The following KMT2C variants were observed in gnomAD, a reference collection of about 807,000 sequenced individuals.
The protein encoded by KMT2C is lysine methyltransferase 2C, also known as histone-lysine N-methyltransferase 2C.
Under a neutral mutation model 507.9 loss-of-function variants are expected in KMT2C, and 88 were observed. The ratio of observed to expected loss-of-function variants is 0.17; its 90% CI spans 0.15 to 0.21. KMT2C has a LOEUF of 0.21. Among genes scored for constraint, KMT2C ranks in the 10% least tolerant of loss-of-function variants. The pLI is 1.00. For synonymous variants in KMT2C, 2,049 were observed against 2,080.8 expected (o/e 0.98, Z 0.42); for missense variants, 4,954 against 5,957.8 (o/e 0.83, Z 5.55).
At chr7:152,242,327 T>C (rs2095402334) in intron 14 of KMT2C, among the ~76,000 whole-genome samples, 1 of 152,204 alleles carries the variant, frequency 6.6e-6, no homozygotes. Context: ...AACTATGATA[T>C]GAAACACACT....
intron 55 of KMT2C, among the ~76,000 whole-genome samples, chr7:152,141,057 T>A (rs577560554): frequency 1.3e-5 from 2 of 152,250 alleles, no homozygotes; most frequent in South Asian, 4.1e-4. Context: ...CTGGCCAACA[T>A]GGTGAAACCC....
Position 152,435,765 on chromosome 7 carries a change from T to A in KMT2C, c.22A>T (p.Ser8Cys). The A allele has an allele frequency of 6.8e-7, 1 of 1,477,044 alleles. No individual in the cohort carries two copies. Among genetic ancestry groups the A allele is most frequent in the Non-Finnish European group, 9.0e-7 (1 of 1,109,512 alleles). 91.5% of individuals were successfully genotyped at this position (1,477,044 alleles called of 1,614,324 possible). A position where few individuals can be genotyped will look rare whatever the true frequency, so the allele number is the denominator to read the frequency against. The stretch of plus-strand genomic sequence containing the variant: ...GGCGGCGGCTGCGGCTGCTCCACGC[T>A]CTTGTCCTCCTCCGACGACATCCTA... MSSEEDK[S>C]VEQPQPPPPP... Residue 8 changes from serine to cysteine, a missense_variant, in exon 1 of 59, where the codon AGC becomes TGC. Physicochemically the swap from Ser to Cys is moderately radical, Grantham distance 112. Transcript: ENST00000262189.
chr7:152,391,166 A>AAAAAAAAAC, intron 1 of KMT2C, among the ~76,000 whole-genome samples: 1 of 148,870 alleles, frequency 6.7e-6, no homozygotes, highest in Non-Finnish European at 1.5e-5. Context: ...AAAAAAAAAA[A>AAAAAAAAAC]AGCCTTAAAA....
chr7:152,422,017 G>T (rs2097780107), intron 1 of KMT2C, among the ~76,000 whole-genome samples: 1 of 152,106 alleles, frequency 6.6e-6, no homozygotes, highest in Non-Finnish European at 1.5e-5. Context: ...TGTTTTCAAT[G>T]AAAAGATTAC....
chr7:152,432,388 GA>G (rs2097870924), intron 1 of KMT2C, among the ~76,000 whole-genome samples: 1 of 152,182 alleles, frequency 6.6e-6, no homozygotes, highest in Non-Finnish European at 1.5e-5. Flanking sequence ...CAAAAATAAT[GA>G]GATCTTTAAT....
intron 7 of KMT2C, among the ~76,000 whole-genome samples, chr7:152,270,211 C>T (rs1221327803): frequency 1.3e-5 from 2 of 152,006 alleles, no homozygotes; most frequent in East Asian, 3.9e-4. Flanking sequence ...GAGGCTAGAC[C>T]GTATCATTGG....
intron 1 of KMT2C, among the ~76,000 whole-genome samples, chr7:152,362,054 AACTAC>A (rs1456207740): frequency 1.3e-5 from 2 of 152,250 alleles, no homozygotes; most frequent in Non-Finnish European, 2.9e-5. Context: ...CCTGTCACAA[AACTAC>A]ATTCTAGTGA....
At chr7:152,380,799 A>G in intron 1 of KMT2C, among the ~76,000 whole-genome samples, 1 of 152,112 alleles carries the variant, frequency 6.6e-6, no homozygotes, top group East Asian at 1.9e-4. Flanking sequence ...ATGAGAGTGG[A>G]AAAAGGAAGG....
At chr7:152,239,175 A>G (rs2095338325) in intron 14 of KMT2C, 1 of 190,048 alleles carries the variant, frequency 5.3e-6, no homozygotes, top group South Asian at 9.9e-5. Context: ...AAGAATTAAC[A>G]CTAGAAGAAA....
At chr7:152,384,567 C>CACCACCACT (rs2097404690) in intron 1 of KMT2C, among the ~76,000 whole-genome samples, 1 of 146,800 alleles carries the variant, frequency 6.8e-6, no homozygotes, top group East Asian at 2.0e-4. Flanking sequence ...CCACCACCAC[C>CACCACCACT]ACCACCACCA....
At chr7:152,365,020 A>G (rs2097229988) in intron 1 of KMT2C, among the ~76,000 whole-genome samples, 1 of 152,172 alleles carries the variant, frequency 6.6e-6, no homozygotes, top group South Asian at 2.1e-4. Flanking sequence ...ATTAATAAAG[A>G]GAAAATATTA....
chr7:152,264,468 AT>A (rs2095830196), intron 8 of KMT2C, among the ~76,000 whole-genome samples: 1 of 152,166 alleles, frequency 6.6e-6, no homozygotes. Context: ...AATGCCACAT[AT>A]TTCGTTTTGG....
At chr7:152,286,350 A>C (rs2096297044) in intron 6 of KMT2C, among the ~76,000 whole-genome samples, 1 of 152,312 alleles carries the variant, frequency 6.6e-6, no homozygotes, top group African/African-American at 2.4e-5. Flanking sequence ...AAAGAAAACC[A>C]CACCTAGGCA....
intron 1 of KMT2C, among the ~76,000 whole-genome samples, chr7:152,385,323 G>C (rs80303861): frequency 7.0e-6 from 1 of 143,148 alleles, no homozygotes; most frequent in Non-Finnish European, 1.5e-5. Flanking sequence ...TAAAAATTGA[G>C]ACGTGTTGGC....
At chr7:152,330,577 A>C in intron 3 of KMT2C, 24 bp downstream of exon 3, 3 of 1,610,256 alleles carry the variant, frequency 1.9e-6, no homozygotes, top group Non-Finnish European at 2.5e-6. Context: ...CTAATATCCA[A>C]TCCAGCTGCA....
At chr7:152,412,411 T>G (rs1375007189) in intron 1 of KMT2C, among the ~76,000 whole-genome samples, 14 of 152,162 alleles carry the variant, frequency 9.2e-5, no homozygotes, top group African/African-American at 3.4e-4. Context: ...AAAAAAAAAT[T>G]TTTTTAATGT....
chr7:152,155,777 AG>A (rs1472767906), intron 46 of KMT2C, 132 bp downstream of exon 46: 1 of 876,076 alleles, frequency 1.1e-6, no homozygotes, highest in Non-Finnish European at 1.7e-6. Context: ...TAAATCCTGA[AG>A]ATTATTCACC....
Position 152,273,844 on chromosome 7 carries a change from A to T in KMT2C, c.873T>A (p.Leu291=). The T allele has an allele frequency of 2.5e-6, 4 of 1,613,902 alleles. No individual in the cohort carries two copies. The highest frequency in any genetic ancestry group is 1.7e-4 in the Middle Eastern group (1 of 6,060). ...CTTCACAGCATTTGATAGTGGCTCC[A>T]AGGTGCTTACAAAATGCACATCGCT... ...STERCAFCKH[L]GATIKCCEEK... is the part of the protein sequence containing the mutation. Residue 291 remains leucine (L), a synonymous_variant, in exon 7 of 59, where the codon CTT becomes CTA. Transcript: ENST00000262189.
At chr7:152,160,695 ATATT>A (rs1190492431) in intron 43 of KMT2C, among the ~76,000 whole-genome samples, 3 of 148,906 alleles carry the variant, frequency 2.0e-5, no homozygotes, top group African/African-American at 7.3e-5. Context: ...AAATCACTAT[ATATT>A]TATTTAAATC....
Sources: allele counts gnomAD v4.1 joint callset (sites outside exome capture counted in the v4.1 genomes callset), GRCh38; gene constraint gnomAD v4.1.1; transcripts MANE v1.5; gene names NCBI Gene and HGNC (gene_info 2026-07-23, HGNC 2026-07-21).